SLCO6A1: variants seen among roughly 807,000 people sequenced by gnomAD.
SLCO6A1 encodes the protein cancer/testis antigen 48.
SLCO6A1 carries 65 observed loss-of-function variants against 72.7 expected under a neutral mutation model. The observed-to-expected ratio is 0.89, with a 90% CI of 0.73 to 1.10. The LOEUF (loss-of-function observed/expected upper bound fraction) is 1.10, where lower values mean the gene tolerates loss of function less well. Ranked by LOEUF, SLCO6A1 falls within the 50% of genes least tolerant of loss-of-function variation. The probability of loss-of-function intolerance (pLI) is 0.00; values close to 1 mark genes in which losing one functional copy is unlikely to be tolerated. For missense variants in SLCO6A1, 874 were observed against 872.6 expected (o/e 1.00, Z -0.02); for synonymous variants, 314 against 298.2 (o/e 1.05, Z -0.55).
intron 9 of SLCO6A1, among the ~76,000 whole-genome samples, chr5:102,412,233 C>A (rs577762757): frequency 1.3e-5 from 2 of 151,550 alleles, no homozygotes; most frequent in Non-Finnish European, 2.9e-5. Context: ...ATGTATTTGA[C>A]TGATGTCTCA....
Position 102,498,856 on chromosome 5 carries a change from G to T in SLCO6A1, c.-12C>A, listed in dbSNP as rs774476567. The T allele has an allele frequency of 1.9e-6, 3 of 1,590,904 alleles. No homozygotes were observed. Among genetic ancestry groups the T allele is most frequent in the Non-Finnish European group, 2.6e-6 (3 of 1,170,008 alleles). Reference sequence around the variant, plus strand: ...ACGCCTACGAACATGGCTCACCCTGGGCGGCTCCTGGCGACGCGGCCCGAG... The same window carrying T: ...ACGCCTACGAACATGGCTCACCCTGTGCGGCTCCTGGCGACGCGGCCCGAG... On this transcript the variant is annotated 5_prime_UTR_variant, in exon 1 of 14. Transcript: ENST00000506729.
chr5:102,402,227 G>T lies in SLCO6A1; in HGVS notation c.1627-2485C>A, dbSNP rs1159239918. On this transcript the variant is annotated intron_variant, in intron 9 of 13. Coordinates refer to ENST00000506729, the MANE Select transcript of SLCO6A1 (RefSeq NM_173488.5). The stretch of plus-strand genomic sequence containing the variant: ...GGGTGCAAACAAGATTACCAGGAAA[G>T]AATATGTCAAGGAATTATATGGTTA... Among the ~76,000 whole-genome samples the T allele has an allele frequency of 2.0e-5, 3 of 152,092 alleles. No homozygotes were observed. The East Asian group carries it at 5.8e-4, about 29-fold the overall frequency.
chr5:102,453,542 T>C (rs982309816), intron 6 of SLCO6A1, among the ~76,000 whole-genome samples: 3 of 152,092 alleles, frequency 2.0e-5, no homozygotes, highest in Non-Finnish European at 4.4e-5. Context: ...TTGTTGAAAA[T>C]TGGACACTTT....
intron 9 of SLCO6A1, among the ~76,000 whole-genome samples, chr5:102,411,073 T>C (rs1222587966): frequency 6.6e-6 from 1 of 152,076 alleles, no homozygotes; most frequent in Admixed American, 6.5e-5. Flanking sequence ...TTCAGGGGAT[T>C]GGGTGCCGCT....
At chr5:102,396,127 G>C (rs1411535533) in intron 10 of SLCO6A1, among the ~76,000 whole-genome samples, 3 of 152,070 alleles carry the variant, frequency 2.0e-5, no homozygotes, top group Non-Finnish European at 2.9e-5. Context: ...ATGCCTATGT[G>C]CTGAATGGTA....
chr5:102,439,594 T>C (rs1257626563), intron 6 of SLCO6A1, among the ~76,000 whole-genome samples: 2 of 152,164 alleles, frequency 1.3e-5, no homozygotes, highest in Non-Finnish European at 2.9e-5. Context: ...GCCATATTTA[T>C]TCATTCCCAT....
At chr5:102,469,499 C>T (rs901217145) in intron 4 of SLCO6A1, among the ~76,000 whole-genome samples, 8 of 152,096 alleles carry the variant, frequency 5.3e-5, no homozygotes, top group Admixed American at 2.6e-4. Flanking sequence ...GATTTTTGCA[C>T]ATTGATTTTG....
chr5:102,459,644 T>A lies in SLCO6A1; in HGVS notation c.1021+12A>T. On this transcript the variant is annotated intron_variant, in intron 5 of 13. Coordinates refer to ENST00000506729, the MANE Select transcript of SLCO6A1 (RefSeq NM_173488.5). ...CTATCCTCCAATTTAATAAATTACA[T>A]TTTATAGTCACCTGGCATATTGTTT... 1.3e-6 allele frequency: 2 copies of A among 1,575,188 alleles called. No individual in the cohort carries two copies. The highest frequency in any genetic ancestry group is 1.7e-6 in the Non-Finnish European group (2 of 1,167,654).
chr5:102,479,926 C>G (rs1580506573), intron 2 of SLCO6A1, among the ~76,000 whole-genome samples: 2 of 152,266 alleles, frequency 1.3e-5, no homozygotes, highest in South Asian at 4.1e-4. Flanking sequence ...TACTGAGCTT[C>G]CTACTGAACA....
intron 5 of SLCO6A1, 143 bp from the exon 6 acceptor site, chr5:102,458,634 T>C (rs1404173279): frequency 1.7e-6 from 1 of 594,106 alleles, no homozygotes; most frequent in Non-Finnish European, 2.9e-6. Flanking sequence ...CTCAATCTCA[T>C]TAATTAAAAG....
At chr5:102,388,503 A>AT (rs1746542401) in intron 12 of SLCO6A1, among the ~76,000 whole-genome samples, 185 bp downstream of exon 12, 1 of 151,908 alleles carries the variant, frequency 6.6e-6, no homozygotes, top group Non-Finnish European at 1.5e-5. Context: ...ATACTCGGCT[A>AT]TTTTTTTATT....
intron 11 of SLCO6A1, 129 bp downstream of exon 11, chr5:102,390,852 A>G: frequency 1.4e-6 from 1 of 714,798 alleles, no homozygotes; most frequent in South Asian, 2.1e-5. Flanking sequence ...AAATTCTGCA[A>G]AGCAGCTCCC....
intron 7 of SLCO6A1, among the ~76,000 whole-genome samples, chr5:102,437,303 G>C (rs1749593007): frequency 6.6e-6 from 1 of 152,132 alleles, no homozygotes; most frequent in Non-Finnish European, 1.5e-5. Context: ...AATGTATTCT[G>C]TTATACTTTG....
At chr5:102,383,034 C>T (rs1580325604) in intron 12 of SLCO6A1, among the ~76,000 whole-genome samples, 1 of 144,234 alleles carries the variant, frequency 6.9e-6, no homozygotes, top group East Asian at 2.0e-4. Context: ...ATGGTGTACA[C>T]ATACATGTAT....
At chr5:102,390,769 T>G (rs1359682482) in intron 11 of SLCO6A1, among the ~76,000 whole-genome samples, 2 of 152,166 alleles carry the variant, frequency 1.3e-5, no homozygotes, top group African/African-American at 2.4e-5. Context: ...AAATATAATA[T>G]GCATATTTTA....
chr5:102,433,178 G>A (rs1435597935), intron 7 of SLCO6A1, among the ~76,000 whole-genome samples: 2 of 152,024 alleles, frequency 1.3e-5, no homozygotes, highest in South Asian at 2.1e-4. Context: ...CGTATACTTT[G>A]TGATTCCTAG....
At chr5:102,425,230 C>T (rs919892065) in intron 7 of SLCO6A1, among the ~76,000 whole-genome samples, 5 of 152,150 alleles carry the variant, frequency 3.3e-5, no homozygotes, top group African/African-American at 1.2e-4. Flanking sequence ...TGCCCTCTCG[C>T]ACCACTCCTA....
intron 8 of SLCO6A1, among the ~76,000 whole-genome samples, chr5:102,413,355 C>T (rs1352587079): frequency 1.3e-5 from 2 of 151,590 alleles, no homozygotes; most frequent in Non-Finnish European, 2.9e-5. Flanking sequence ...AAATCATCAC[C>T]AAAATCATGC....
At chr5:102,403,834 C>G (rs895157331) in intron 9 of SLCO6A1, among the ~76,000 whole-genome samples, 3 of 152,134 alleles carry the variant, frequency 2.0e-5, no homozygotes, top group African/African-American at 7.2e-5. Flanking sequence ...AATGGTGAAC[C>G]AAAGAGACAA....
Sources: gnomAD v4.1 joint callset for allele counts (sites outside exome capture counted in the v4.1 genomes callset) on GRCh38, gnomAD v4.1.1 for gene constraint, MANE v1.5 for transcripts, NCBI Gene and HGNC (gene_info 2026-07-23, HGNC 2026-07-21) for gene names.